Variants in CRACD observed in about 807,000 individuals in gnomAD.
CRACD encodes capping protein inhibiting regulator of actin dynamics, also known as capping protein-inhibiting regulator of actin dynamics.
CRACD carries 56 observed loss-of-function variants against 106.8 expected under a neutral mutation model. That is an observed-to-expected ratio of 0.52 (90% confidence interval 0.42 to 0.66). The LOEUF (loss-of-function observed/expected upper bound fraction) is 0.66, where lower values mean the gene tolerates loss of function less well. Ranked by LOEUF, CRACD falls within the 30% of genes least tolerant of loss-of-function variation. The pLI is 0.00. For missense variants in CRACD, 1,730 were observed against 1,623.2 expected, an observed-to-expected ratio of 1.07 and a Z score of -1.13; for synonymous variants, 754 against 670.8, an observed-to-expected ratio of 1.12 and a Z score of -1.92.
At chr4:56,083,232 A>G (rs1560445910) in intron 1 of CRACD, among the ~76,000 whole-genome samples, 1 of 152,230 alleles carries the variant, frequency 6.6e-6, no homozygotes, top group South Asian at 2.1e-4. Flanking sequence ...GTTGTTTGTT[A>G]TTAGAGTGGA....
chr4:56,135,534 G>A (rs1734973821), intron 1 of CRACD, among the ~76,000 whole-genome samples: 1 of 152,190 alleles, frequency 6.6e-6, no homozygotes, highest in African/African-American at 2.4e-5. Context: ...TCAAATACCT[G>A]CTCTGTTGTT....
chr4:56,316,769 T>G, intron 8 of CRACD, 80 bp downstream of exon 8: 62 of 1,451,062 alleles, frequency 4.3e-5, no homozygotes, highest in Non-Finnish European at 4.8e-5. Context: ...ACACGCAGGT[T>G]CATGAGAATA....
intron 2 of CRACD, among the ~76,000 whole-genome samples, chr4:56,256,376 A>T (rs1741361354): frequency 6.6e-6 from 1 of 152,198 alleles, no homozygotes; most frequent in Non-Finnish European, 1.5e-5. Flanking sequence ...GCCCCATGGA[A>T]CTGTAGTCCA....
chr4:56,070,136 C>T (rs1370585376), intron 1 of CRACD, among the ~76,000 whole-genome samples: 1 of 152,120 alleles, frequency 6.6e-6, no homozygotes, highest in Non-Finnish European at 1.5e-5. Flanking sequence ...GCTTGGTTCA[C>T]GGTGCATTTC....
intron 2 of CRACD, among the ~76,000 whole-genome samples, chr4:56,242,894 C>T (rs576656962): frequency 7.2e-5 from 11 of 152,064 alleles, no homozygotes; most frequent in African/African-American, 2.4e-4. Context: ...GTACACTTCA[C>T]GGTGACTACG....
chr4:56,179,262 T>C (rs191344453), intron 1 of CRACD, 22 bp from the exon 2 acceptor site: 1 of 148,564 alleles, frequency 6.7e-6, no homozygotes, highest in Admixed American at 6.7e-5. Flanking sequence ...AAGTTCTTAA[T>C]GTTTTTTTTT....
intron 1 of CRACD, among the ~76,000 whole-genome samples, chr4:56,136,609 T>TA (rs1735009709): frequency 6.6e-6 from 1 of 152,224 alleles, no homozygotes; most frequent in South Asian, 2.1e-4. Context: ...TTTGATTTTT[T>TA]ATTATTGAAT....
At chr4:56,205,069 T>C (rs374765430) in intron 2 of CRACD, among the ~76,000 whole-genome samples, 1 of 152,122 alleles carries the variant, frequency 6.6e-6, no homozygotes, top group African/African-American at 2.4e-5. Context: ...GGTGGGAAGA[T>C]TGCTTAAGCC....
intron 1 of CRACD, among the ~76,000 whole-genome samples, chr4:56,151,484 G>T (rs1306493856): frequency 6.6e-6 from 1 of 151,226 alleles, no homozygotes; most frequent in Non-Finnish European, 1.5e-5. Context: ...AGAGTAAGTT[G>T]CCAACTAGAT....
intron 1 of CRACD, among the ~76,000 whole-genome samples, chr4:56,076,071 G>A (rs914276480): frequency 1.3e-5 from 2 of 152,174 alleles, no homozygotes; most frequent in Admixed American, 1.3e-4. Flanking sequence ...GAATGTGACT[G>A]TATTTGGAGA....
chr4:56,305,464 C>T (rs1744630399), intron 4 of CRACD, among the ~76,000 whole-genome samples: 1 of 152,180 alleles, frequency 6.6e-6, no homozygotes, highest in Non-Finnish European at 1.5e-5. Context: ...CCTTGTTATT[C>T]CATGTCCTCT....
At chr4:56,141,682 ATTTTTTT>A (rs1171920777) in intron 1 of CRACD, among the ~76,000 whole-genome samples, 5 of 82,654 alleles carry the variant, frequency 6.0e-5, no homozygotes, top group Admixed American at 3.2e-4. Flanking sequence ...AGGAAGTACT[ATTTTTTT>A]TTTTTTTTTT....
rs182789961 is a variant in CRACD at position 56,121,391 on chromosome 4, A to T, written c.-335-57893A>T. On this transcript the variant is annotated intron_variant, in intron 1 of 10. Transcript: ENST00000682029. ...AAATTTTATTTCTTCCTATCACAAT[A>T]CTGAGCCATCATTGTTTATTTGGAT... Among the ~76,000 whole-genome samples, 17 of 152,328 alleles carry T rather than the reference A, an allele frequency of 1.1e-4. 1 individual carries two copies. Among genetic ancestry groups the T allele is most frequent in the Admixed American group, 1.1e-3 (17 of 15,292 alleles).
intron 1 of CRACD, among the ~76,000 whole-genome samples, chr4:56,062,023 GT>G (rs1732295059): frequency 6.6e-6 from 1 of 152,168 alleles, no homozygotes; most frequent in African/African-American, 2.4e-5. Context: ...TTAAAAAACA[GT>G]TTATTCGATG....
chr4:56,141,678 T>C (rs1021865302), intron 1 of CRACD, among the ~76,000 whole-genome samples: 5 of 142,046 alleles, frequency 3.5e-5, no homozygotes, highest in Non-Finnish European at 6.0e-5. Context: ...ACTAAGGAAG[T>C]ACTATTTTTT....
intron 1 of CRACD, among the ~76,000 whole-genome samples, chr4:56,092,269 T>TG (rs2109821585): frequency 6.6e-6 from 1 of 152,308 alleles, no homozygotes. Flanking sequence ...TCCAGGAATG[T>TG]GCTTCTCTTT....
At chr4:56,081,969 C>T (rs924269839) in intron 1 of CRACD, among the ~76,000 whole-genome samples, 12 of 150,834 alleles carry the variant, frequency 8.0e-5, no homozygotes, top group African/African-American at 1.9e-4. Context: ...AGCCAGACTC[C>T]GTCTCAAAAA....
At chr4:56,176,643 G>A (rs1736596583) in intron 1 of CRACD, among the ~76,000 whole-genome samples, 1 of 152,016 alleles carries the variant, frequency 6.6e-6, no homozygotes, top group Admixed American at 6.6e-5. Flanking sequence ...CACTGTGTTA[G>A]CCAGGATGGT....
chr4:56,262,465 C>A (rs1188035060), intron 2 of CRACD, among the ~76,000 whole-genome samples: 1 of 152,200 alleles, frequency 6.6e-6, no homozygotes, highest in Non-Finnish European at 1.5e-5. Context: ...TGAGTGCAGC[C>A]AGCCCCACAC....
Sources: allele counts gnomAD v4.1 joint callset (sites outside exome capture counted in the v4.1 genomes callset), GRCh38; gene constraint gnomAD v4.1.1; transcripts MANE v1.5; gene names NCBI Gene and HGNC (gene_info 2026-07-23, HGNC 2026-07-21).